BICRAL: variants seen among roughly 807,000 people sequenced by gnomAD.
BICRAL encodes BRD4-interacting chromatin-remodeling complex-associated protein-like.
A neutral mutation model predicts 91.8 loss-of-function variants in BICRAL; 8 were observed. The ratio of observed to expected loss-of-function variants is 0.09; its 90% CI spans 0.05 to 0.16. The LOEUF (loss-of-function observed/expected upper bound fraction) is 0.16, where lower values mean the gene tolerates loss of function less well. BICRAL is among the 10% of genes least tolerant of loss of function. The pLI, the probability that BICRAL is intolerant of heterozygous loss-of-function variation, is 1.00. For missense variants in BICRAL, 1,038 were observed against 1,310.9 expected, an observed-to-expected ratio of 0.79 and a Z score of 3.21; for synonymous variants, 445 against 491.1, an observed-to-expected ratio of 0.91 and a Z score of 1.24.
At chr6:42,862,261 A>C (rs1765574951) in intron 11 of BICRAL, among the ~76,000 whole-genome samples, 1 of 152,048 alleles carries the variant, frequency 6.6e-6, no homozygotes, top group Non-Finnish European at 1.5e-5. Flanking sequence ...TTTATAGTAC[A>C]TATATATTCT....
chr6:42,838,818 G>A (rs1419582049), intron 6 of BICRAL, among the ~76,000 whole-genome samples: 2 of 151,810 alleles, frequency 1.3e-5, no homozygotes, highest in African/African-American at 2.4e-5. Flanking sequence ...AAAATTAGCC[G>A]GGTGTGGTGG....
chr6:42,859,411 T>C lies in BICRAL; in HGVS notation c.2255-851T>C, dbSNP rs146553990. The stretch of plus-strand genomic sequence containing the variant: ...TGTCTCAAAAAAAAAAAACCCACAG[T>C]GGGTGTGAAGACTGAGAAGAAGAAT... On this transcript the variant is annotated intron_variant, in intron 10 of 12. Transcript: ENST00000314073. 5.3e-3 allele frequency among the ~76,000 whole-genome samples: 779 copies of C among 146,916 alleles called. 5 individuals carry two copies. The highest frequency in any genetic ancestry group is 0.014 in the Middle Eastern group (4 of 280).
intron 1 of BICRAL, among the ~76,000 whole-genome samples, chr6:42,760,219 C>G (rs1762524371): frequency 6.6e-6 from 1 of 151,298 alleles, no homozygotes; most frequent in Non-Finnish European, 1.5e-5. Context: ...GAGATTGCAC[C>G]ATTGCACTCC....
intron 2 of BICRAL, among the ~76,000 whole-genome samples, chr6:42,820,343 G>A (rs563734117): frequency 7.2e-5 from 11 of 152,172 alleles, no homozygotes; most frequent in African/African-American, 2.6e-4. Flanking sequence ...CAATTTAAGC[G>A]GTCATGTTAA....
rs1313556084 is a variant in BICRAL at position 42,867,853 on chromosome 6, A to T, written c.*2407A>T. On this transcript the variant is annotated 3_prime_UTR_variant, in exon 13 of 13. Transcript: ENST00000314073. ...GTCATTGTATGTAAGTTTACTTTTTATGGAGGAAGGATTCTAGATAATGAC... is the reference window on the plus strand; with the variant it reads ...GTCATTGTATGTAAGTTTACTTTTTTTGGAGGAAGGATTCTAGATAATGAC... The T allele has an allele frequency of 1.3e-5, 2 of 152,230 alleles. No individual in the cohort carries two copies. Among genetic ancestry groups the T allele is most frequent in the Non-Finnish European group, 2.9e-5 (2 of 68,034 alleles). The allele number at this position is 152,230 out of a possible 1,614,324, so 9.4% of individuals were successfully genotyped here. A position where few individuals can be genotyped will look rare whatever the true frequency, so the allele number is the denominator to read the frequency against.
At chr6:42,810,143 ACTC>A (rs970774530) in intron 1 of BICRAL, among the ~76,000 whole-genome samples, 160 bp from the exon 2 acceptor site, 2 of 151,864 alleles carry the variant, frequency 1.3e-5, no homozygotes, top group African/African-American at 2.4e-5. Context: ...TTTTCCACCC[ACTC>A]CTCCTTGCTT....
chr6:42,853,967 A>G (rs1236379692), intron 8 of BICRAL, among the ~76,000 whole-genome samples: 1 of 152,208 alleles, frequency 6.6e-6, no homozygotes, highest in Non-Finnish European at 1.5e-5. Context: ...ACAGTGCTTC[A>G]TTAATCCATC....
chr6:42,805,576 T>A (rs773154496), intron 1 of BICRAL, among the ~76,000 whole-genome samples: 2 of 152,198 alleles, frequency 1.3e-5, no homozygotes, highest in Non-Finnish European at 2.9e-5. Flanking sequence ...AGTTCATTTT[T>A]AAAATATTTC....
chr6:42,768,702 C>T (rs1175325931), intron 1 of BICRAL, among the ~76,000 whole-genome samples: 1 of 152,194 alleles, frequency 6.6e-6, no homozygotes, highest in Non-Finnish European at 1.5e-5. Context: ...CTTTCTTCCC[C>T]TCTACCCCAA....
intron 1 of BICRAL, among the ~76,000 whole-genome samples, chr6:42,785,460 C>T (rs1197219772): frequency 6.6e-6 from 1 of 151,308 alleles, no homozygotes; most frequent in Admixed American, 6.6e-5. Flanking sequence ...ACTTGGGAGG[C>T]TGAGGCGAGA....
chr6:42,855,219 G>A (rs1024846162), intron 8 of BICRAL, among the ~76,000 whole-genome samples: 1 of 152,116 alleles, frequency 6.6e-6, no homozygotes, highest in Non-Finnish European at 1.5e-5. Flanking sequence ...AGTATCTACT[G>A]ACTTTTCAGA....
chr6:42,761,801 C>G lies in BICRAL; in HGVS notation c.-261+14778C>G, dbSNP rs546749331. Among the ~76,000 whole-genome samples the G allele has an allele frequency of 1.9e-4, 29 of 151,504 alleles. No individual in the cohort carries two copies. The East Asian group carries it at 5.2e-3, about 27-fold the overall frequency. On this transcript the variant is annotated intron_variant, in intron 1 of 14. Transcript: ENST00000614467. ...TGGTGGCACAGGCCTGTAGTCCTAGCTACACAGAAGGCTGAGATCGGAGGA... is the reference window on the plus strand; with the variant it reads ...TGGTGGCACAGGCCTGTAGTCCTAGGTACACAGAAGGCTGAGATCGGAGGA...
At chr6:42,796,098 G>C (rs943105112) in intron 1 of BICRAL, among the ~76,000 whole-genome samples, 1 of 152,200 alleles carries the variant, frequency 6.6e-6, no homozygotes, top group Non-Finnish European at 1.5e-5. Context: ...ATGTGTGCCA[G>C]GTGCCATTCT....
chr6:42,859,100 G>T (rs1446498815), intron 10 of BICRAL, among the ~76,000 whole-genome samples: 2 of 152,030 alleles, frequency 1.3e-5, no homozygotes, highest in African/African-American at 2.4e-5. Context: ...TAAACAGGGG[G>T]TGTGAAAGGG....
At chr6:42,850,880 A>T (rs1226286716) in intron 6 of BICRAL, among the ~76,000 whole-genome samples, 1 of 151,386 alleles carries the variant, frequency 6.6e-6, no homozygotes, top group Non-Finnish European at 1.5e-5. Context: ...AAGGAAAAAA[A>T]ACTGAGGGTA....
upstream of BICRAL, among the ~76,000 whole-genome samples, chr6:42,780,099 C>T (rs528831578): frequency 5.3e-5 from 8 of 151,906 alleles, no homozygotes; most frequent in African/African-American, 1.4e-4. Context: ...GATGGGATCT[C>T]GCACCATGTT....
chr6:42,801,805 C>T (rs1763579962), intron 1 of BICRAL, among the ~76,000 whole-genome samples: 1 of 151,890 alleles, frequency 6.6e-6, no homozygotes, highest in Admixed American at 6.6e-5. Flanking sequence ...TCTGCTTGAA[C>T]CCAGGAGGCC....
chr6:42,860,395 T>C (rs752167264), intron 11 of BICRAL, 39 bp downstream of exon 11: 2 of 1,168,950 alleles, frequency 1.7e-6, no homozygotes, highest in South Asian at 1.2e-5. Context: ...TTTAAAACTT[T>C]ACAGGTCACA....
rs373011947 is a variant in BICRAL at position 42,852,186 on chromosome 6, C to T, written c.1934C>T (p.Thr645Ile). ...RQAQIPGLLS[T>I]TLPGQDSGSK... is the part of the protein sequence containing the mutation. Reference sequence around the variant, plus strand: ...GCACAGATCCCTGGGCTCTTGAGCACCACACTGCCAGGTCAGGAGCTTCCT... The same window carrying T: ...GCACAGATCCCTGGGCTCTTGAGCATCACACTGCCAGGTCAGGAGCTTCCT... The change falls in exon 7 of 13, where the codon ACC becomes ATC. Residue 645 changes from threonine to isoleucine, a missense_variant. Physicochemically the swap from Thr to Ile is moderately conservative, Grantham distance 89 (BLOSUM62 -1). Around this residue, in one of 5 missense-constraint regions of BICRAL, gnomAD observed 532 missense variants for 724.9 expected, o/e 0.73. Coordinates refer to ENST00000314073, the MANE Select transcript of BICRAL (RefSeq NM_001393499.1). 1.1e-4 allele frequency: 172 copies of T among 1,605,532 alleles called. No individual in the cohort carries two copies. Among genetic ancestry groups the T allele is most frequent in the Non-Finnish European group, 1.4e-4 (167 of 1,172,224 alleles).
Sources: allele counts gnomAD v4.1 joint callset (sites outside exome capture counted in the v4.1 genomes callset), GRCh38; gene constraint gnomAD v4.1.1; regional missense constraint gnomAD v4.1.1; transcripts MANE v1.5; gene names NCBI Gene and HGNC (gene_info 2026-07-23, HGNC 2026-07-21).